GRM8: variants seen among roughly 807,000 people sequenced by gnomAD.
GRM8 encodes the protein metabotropic glutamate receptor 8.
GRM8 carries 47 observed loss-of-function variants against 87.2 expected under a neutral mutation model. The ratio of observed to expected loss-of-function variants is 0.54; its 90% CI spans 0.43 to 0.69. The LOEUF (loss-of-function observed/expected upper bound fraction) is 0.69. Ranked by LOEUF, GRM8 falls within the 30% of genes least tolerant of loss-of-function variation. The pLI, the probability that GRM8 is intolerant of heterozygous loss-of-function variation, is 0.00. For synonymous variants in GRM8, 396 were observed against 404.5 expected (o/e 0.98, Z 0.25); for missense variants, 1,019 against 1,139.2 (o/e 0.89, Z 1.52).
At chr7:127,216,577 T>C (rs1214217922) in intron 2 of GRM8, among the ~76,000 whole-genome samples, 1 of 145,524 alleles carries the variant, frequency 6.9e-6, no homozygotes. Context: ...TCTAAACTAG[T>C]GAGTCATCTG....
At chr7:126,563,114 C>T (rs528177824) in intron 8 of GRM8, among the ~76,000 whole-genome samples, 8 of 152,270 alleles carry the variant, frequency 5.3e-5, no homozygotes, top group African/African-American at 7.2e-5. Context: ...TTAGCACTTA[C>T]GTGTGCTTCC....
intron 3 of GRM8, among the ~76,000 whole-genome samples, chr7:126,978,622 G>A (rs979836579): frequency 6.6e-6 from 1 of 152,190 alleles, no homozygotes; most frequent in Non-Finnish European, 1.5e-5. Context: ...TGAAGATGCT[G>A]AAACCCTGAT....
At chr7:126,711,979 T>C (rs1353671721) in intron 7 of GRM8, among the ~76,000 whole-genome samples, 2 of 152,242 alleles carry the variant, frequency 1.3e-5, no homozygotes. Flanking sequence ...TGTTTCACTT[T>C]CTCATCATTT....
intron 7 of GRM8, among the ~76,000 whole-genome samples, chr7:126,652,354 A>T (rs1803998830): frequency 6.6e-6 from 1 of 152,160 alleles, no homozygotes; most frequent in African/African-American, 2.4e-5. Context: ...CAAGTCGACA[A>T]GGCGTAGACT....
chr7:126,661,521 C>T (rs964080523), intron 7 of GRM8, among the ~76,000 whole-genome samples: 6 of 152,180 alleles, frequency 3.9e-5, no homozygotes, highest in Non-Finnish European at 8.8e-5. Flanking sequence ...CAGGACTCCA[C>T]TCATTACAGG....
chr7:126,686,250 G>C (rs1808171550), intron 7 of GRM8, among the ~76,000 whole-genome samples: 1 of 152,070 alleles, frequency 6.6e-6, no homozygotes, highest in Admixed American at 6.5e-5. Context: ...GCTCCTCTTT[G>C]TCTTGCTCAC....
intron 8 of GRM8, among the ~76,000 whole-genome samples, chr7:126,585,935 T>C (rs1226812386): frequency 5.3e-5 from 8 of 152,126 alleles, no homozygotes; most frequent in Admixed American, 2.6e-4. Flanking sequence ...GAAAACCCCA[T>C]TGTCTCAGCC....
chr7:126,951,408 T>G (rs1336184298), intron 3 of GRM8, among the ~76,000 whole-genome samples: 2 of 152,034 alleles, frequency 1.3e-5, no homozygotes, highest in Non-Finnish European at 2.9e-5. Flanking sequence ...ACAGTTATGA[T>G]TCATATTTTT....
intron 9 of GRM8, among the ~76,000 whole-genome samples, chr7:126,451,608 C>G (rs1178352557): frequency 6.6e-6 from 1 of 151,776 alleles, no homozygotes; most frequent in Non-Finnish European, 1.5e-5. Context: ...AAAGCCTACT[C>G]TCCAATGACT....
intron 9 of GRM8, among the ~76,000 whole-genome samples, chr7:126,463,917 A>T (rs1804190987): frequency 6.6e-6 from 1 of 151,696 alleles, no homozygotes; most frequent in African/African-American, 2.4e-5. Context: ...TCATTTAAAT[A>T]TAGTGTTTAT....
At chr7:126,971,048 C>A (rs1362582381) in intron 3 of GRM8, among the ~76,000 whole-genome samples, 1 of 149,672 alleles carries the variant, frequency 6.7e-6, no homozygotes, top group Admixed American at 6.7e-5. Flanking sequence ...TTTGAAATAT[C>A]GGGAAAATTA....
chr7:127,205,061 G>C (rs532074372), intron 2 of GRM8, among the ~76,000 whole-genome samples: 1 of 152,296 alleles, frequency 6.6e-6, no homozygotes, highest in Admixed American at 6.5e-5. Flanking sequence ...TTTGCGGAAA[G>C]ACAAAACTGT....
chr7:126,489,876 G>A (rs1807799866), intron 9 of GRM8, among the ~76,000 whole-genome samples: 1 of 151,906 alleles, frequency 6.6e-6, no homozygotes, highest in East Asian at 1.9e-4. Flanking sequence ...TCCAGTGAGG[G>A]CCCAAATAGA....
chr7:126,755,961 C>T (rs1023992486), intron 7 of GRM8, among the ~76,000 whole-genome samples: 2 of 151,898 alleles, frequency 1.3e-5, no homozygotes, highest in Non-Finnish European at 2.9e-5. Context: ...TTCTTCAATT[C>T]AACCTTATTA....
chr7:126,516,222 G>A (rs1812138834), intron 9 of GRM8, among the ~76,000 whole-genome samples: 1 of 151,770 alleles, frequency 6.6e-6, no homozygotes, highest in Admixed American at 6.6e-5. Context: ...TTATATTTTA[G>A]GATGCCACTT....
At chr7:126,682,009 C>A (rs1189745268) in intron 7 of GRM8, among the ~76,000 whole-genome samples, 3 of 152,090 alleles carry the variant, frequency 2.0e-5, no homozygotes, top group Non-Finnish European at 4.4e-5. Context: ...AAATTAGCAA[C>A]TTCTCTAAAT....
chr7:126,532,923 A>T (rs372897183), intron 9 of GRM8, 29 bp downstream of exon 9: 105 of 1,348,902 alleles, frequency 7.8e-5, no homozygotes, highest in Non-Finnish European at 1.1e-4. Flanking sequence ...TCCAGGAAAA[A>T]GTTGTCAAGT....
At chr7:126,628,267 G>A (rs1398142674) in intron 7 of GRM8, among the ~76,000 whole-genome samples, 3 of 151,916 alleles carry the variant, frequency 2.0e-5, no homozygotes, top group Non-Finnish European at 2.9e-5. Context: ...GGATGGTCTC[G>A]ATCTCCTGAT....
At chr7:126,772,398 G>T (rs1296030936) in intron 6 of GRM8, among the ~76,000 whole-genome samples, 1 of 152,064 alleles carries the variant, frequency 6.6e-6, no homozygotes, top group Admixed American at 6.6e-5. Flanking sequence ...AGACAGTGAG[G>T]TTCAGGGCAG....
Sources: gnomAD v4.1 joint callset for allele counts (sites outside exome capture counted in the v4.1 genomes callset) on GRCh38, gnomAD v4.1.1 for gene constraint, MANE v1.5 for transcripts, NCBI Gene and HGNC (gene_info 2026-07-23, HGNC 2026-07-21) for gene names.